The following SEC22A variants were observed in gnomAD, a reference collection of about 807,000 sequenced individuals.
The protein encoded by SEC22A is vesicle-trafficking protein SEC22a.
A neutral mutation model predicts 35.3 loss-of-function variants in SEC22A; 22 were observed. That is an observed-to-expected ratio of 0.62 (90% CI 0.45 to 0.89). The LOEUF (loss-of-function observed/expected upper bound fraction) is 0.89, where lower values mean the gene tolerates loss of function less well. SEC22A is among the 40% of genes least tolerant of loss of function. The probability of loss-of-function intolerance (pLI) is 0.00; values close to 1 mark genes in which losing one functional copy is unlikely to be tolerated. For synonymous variants in SEC22A, 119 were observed against 129.5 expected (o/e 0.92, Z 0.55); for missense variants, 354 against 362.5 (o/e 0.98, Z 0.19).
intron 5 of SEC22A, among the ~76,000 whole-genome samples, chr3:123,247,550 A>G (rs1256329045): frequency 2.0e-5 from 3 of 152,212 alleles, no homozygotes; most frequent in Non-Finnish European, 4.4e-5. Flanking sequence ...AACTAAGGAA[A>G]GTAGTATAAA....
At chr3:123,210,246 A>AACGAG (rs1009032088) in intron 2 of SEC22A, among the ~76,000 whole-genome samples, 3 of 152,180 alleles carry the variant, frequency 2.0e-5, no homozygotes, top group African/African-American at 7.2e-5. Context: ...AGACTCAGAG[A>AACGAG]AGTTCAGGTG....
intron 5 of SEC22A, among the ~76,000 whole-genome samples, chr3:123,247,078 C>T (rs1937573087): frequency 1.3e-5 from 2 of 152,256 alleles, no homozygotes; most frequent in South Asian, 4.1e-4. Flanking sequence ...GGCTGCTGTC[C>T]CTCGGCCTTT....
intron 5 of SEC22A, among the ~76,000 whole-genome samples, chr3:123,255,610 A>G (rs1055674545): frequency 1.3e-5 from 2 of 152,176 alleles, no homozygotes; most frequent in African/African-American, 4.8e-5. Flanking sequence ...TTATGTGCCT[A>G]TGCTAGTATA....
Position 123,271,434 on chromosome 3 carries a change from ACT to A in SEC22A, c.724-83_724-82del, listed in dbSNP as rs1177064670. The A allele has an allele frequency of 2.9e-6, 3 of 1,044,704 alleles. No individual in the cohort carries two copies. In the South Asian group the frequency reaches 4.3e-5, roughly 15 times the overall value. 64.7% of individuals were successfully genotyped at this position (1,044,704 alleles called of 1,614,324 possible). ...ATAACCTTATCCATTCTTATATTTT[ACT>A]CTCTGACCTGTTACAATTTTATATT... On this transcript the variant is annotated intron_variant, in intron 6 of 6. Transcript: ENST00000492595.
At chr3:123,230,958 A>C (rs577966654) in intron 4 of SEC22A, among the ~76,000 whole-genome samples, 14 of 152,284 alleles carry the variant, frequency 9.2e-5, no homozygotes, top group South Asian at 4.1e-4. Context: ...ATACAAATAG[A>C]TTGAAAGTCA....
chr3:123,237,356 G>T (rs7631718), intron 4 of SEC22A, among the ~76,000 whole-genome samples: 1 of 152,164 alleles, frequency 6.6e-6, no homozygotes, highest in African/African-American at 2.4e-5. Flanking sequence ...GTCAGAGAAT[G>T]AATTGCTTTG....
intron 1 of SEC22A, among the ~76,000 whole-genome samples, chr3:123,204,012 C>G (rs1936804169): frequency 6.6e-6 from 1 of 152,122 alleles, no homozygotes; most frequent in Non-Finnish European, 1.5e-5. Flanking sequence ...AAATTCCATC[C>G]CCTTTATCAC....
At chr3:123,268,829 A>T (rs895175681) in intron 6 of SEC22A, among the ~76,000 whole-genome samples, 2 of 152,070 alleles carry the variant, frequency 1.3e-5, no homozygotes, top group African/African-American at 4.8e-5. Flanking sequence ...GTACCTTTTG[A>T]TCTATGATAC....
intron 2 of SEC22A, among the ~76,000 whole-genome samples, chr3:123,219,580 C>T (rs1937088366): frequency 6.6e-6 from 1 of 152,156 alleles, no homozygotes; most frequent in Non-Finnish European, 1.5e-5. Context: ...GATAATAGTG[C>T]CCCTTTATTG....
chr3:123,271,382 C>A, intron 6 of SEC22A, 140 bp from the exon 7 acceptor site: 1 of 651,470 alleles, frequency 1.5e-6, no homozygotes, highest in Non-Finnish European at 2.6e-6. Context: ...TAGATATATG[C>A]TACATTATCT....
At chr3:123,217,389 T>C (rs868482464) in intron 2 of SEC22A, among the ~76,000 whole-genome samples, 16 of 152,010 alleles carry the variant, frequency 1.1e-4, no homozygotes, top group Non-Finnish European at 2.1e-4. Flanking sequence ...TTTTATTTTT[T>C]TTTTTAGTGG....
At chr3:123,265,794 C>T (rs149622755) in intron 6 of SEC22A, among the ~76,000 whole-genome samples, 51 of 152,238 alleles carry the variant, frequency 3.4e-4, no homozygotes, top group African/African-American at 1.2e-3. Context: ...ATGGCAAAGG[C>T]GATTTTTTTT....
At chr3:123,257,780 G>A (rs539553167) in intron 5 of SEC22A, among the ~76,000 whole-genome samples, 1 of 152,046 alleles carries the variant, frequency 6.6e-6, no homozygotes, top group Non-Finnish European at 1.5e-5. Context: ...CACAAGGTCA[G>A]GAGATCGAGA....
chr3:123,231,181 A>C (rs1937318795), intron 4 of SEC22A, among the ~76,000 whole-genome samples: 2 of 152,224 alleles, frequency 1.3e-5, no homozygotes, highest in Admixed American at 1.3e-4. Flanking sequence ...GCCAGAAGTG[A>C]ATACAGAAAT....
rs1182149415 is a variant in SEC22A at position 123,271,932 on chromosome 3, A to AG, written c.*212dup. On this transcript the variant is annotated 3_prime_UTR_variant, in exon 7 of 7. Transcript: ENST00000492595. ...TGGCCATGAGACTATCATTCAGAGG[A>AG]GGAGGGGATTTCTCTCTTCAAGGCC... is the stretch of plus-strand genomic sequence containing the variant. The AG allele has an allele frequency of 1.7e-6, 1 of 574,848 alleles. No individual in the cohort carries two copies. Among genetic ancestry groups the AG allele is most frequent in the East Asian group, 2.9e-5 (1 of 34,606 alleles). 35.6% of individuals were successfully genotyped at this position (574,848 alleles called of 1,614,324 possible). A position where few individuals can be genotyped will look rare whatever the true frequency, so the allele number is the denominator to read the frequency against.
intron 5 of SEC22A, among the ~76,000 whole-genome samples, chr3:123,258,812 T>C (rs1937807845): frequency 6.6e-6 from 1 of 152,214 alleles, no homozygotes; most frequent in Non-Finnish European, 1.5e-5. Flanking sequence ...GAACTTTATC[T>C]TTTACTGTAT....
chr3:123,220,867 C>CATATATATATATAT lies in SEC22A; in HGVS notation c.183-2679_183-2678insTATATATATATATA, dbSNP rs563341393. On this transcript the variant is annotated intron_variant, in intron 2 of 6. Coordinates refer to ENST00000492595, the MANE Select transcript of SEC22A (RefSeq NM_012430.5). ...CTAGGATGGTCTTTAAAAAAGGTCT[C>CATATATATATATAT]ATATATATATATACATATATATATA... Among the ~76,000 whole-genome samples, 874 of 97,318 alleles carry CATATATATATATAT rather than the reference C, an allele frequency of 9.0e-3. 40 individuals carry two copies. The highest frequency in any genetic ancestry group is 0.012 in the African/African-American group (320 of 27,490). The allele number at this position is 97,318 out of a possible 152,430, so 63.8% of individuals were successfully genotyped here. A position where few individuals can be genotyped will look rare whatever the true frequency, so the allele number is the denominator to read the frequency against.
At chr3:123,256,828 C>T (rs1302292273) in intron 5 of SEC22A, among the ~76,000 whole-genome samples, 2 of 144,476 alleles carry the variant, frequency 1.4e-5, no homozygotes, top group African/African-American at 2.6e-5. Flanking sequence ...GGCGCAGTCT[C>T]GGCTCACTGC....
chr3:123,256,553 G>A (rs1388412917), intron 5 of SEC22A, among the ~76,000 whole-genome samples: 1 of 151,962 alleles, frequency 6.6e-6, no homozygotes, highest in Non-Finnish European at 1.5e-5. Context: ...CCCAGTTTAA[G>A]CTTTACTCCA....
Sources: allele counts gnomAD v4.1 joint callset (sites outside exome capture counted in the v4.1 genomes callset), GRCh38; gene constraint gnomAD v4.1.1; transcripts MANE v1.5; gene names NCBI Gene and HGNC (gene_info 2026-07-23, HGNC 2026-07-21).